The following MYT1 variants were observed in gnomAD, a reference collection of about 807,000 sequenced individuals.
MYT1 encodes myelin transcription factor 1.
A neutral mutation model predicts 123.0 loss-of-function variants in MYT1; 23 were observed. The observed-to-expected ratio is 0.19, with a 90% CI of 0.13 to 0.26. The LOEUF (loss-of-function observed/expected upper bound fraction) is 0.26. Among genes scored for constraint, MYT1 ranks in the 10% least tolerant of loss-of-function variants. The pLI, the probability that MYT1 is intolerant of heterozygous loss-of-function variation, is 1.00. For synonymous variants in MYT1, 518 were observed against 575.3 expected, an observed-to-expected ratio of 0.90 and a Z score of 1.43; for missense variants, 1,125 against 1,472.5, an observed-to-expected ratio of 0.76 and a Z score of 3.86.
intron 19 of MYT1, among the ~76,000 whole-genome samples, chr20:64,234,590 C>T (rs1001960131): frequency 6.7e-5 from 10 of 150,372 alleles, no homozygotes; most frequent in African/African-American, 2.5e-4. Flanking sequence ...ATGTGTGACC[C>T]TGGGCTGGCC....
intron 4 of MYT1, among the ~76,000 whole-genome samples, chr20:64,204,341 G>A (rs1249433540): frequency 6.6e-6 from 1 of 152,218 alleles, no homozygotes; most frequent in African/African-American, 2.4e-5. Flanking sequence ...AGAGATGCAG[G>A]AGGGTCAGTG....
chr20:64,225,338 T>C (rs2009308), intron 16 of MYT1, among the ~76,000 whole-genome samples: 20,795 of 152,260 alleles, frequency 0.14, 2,101 homozygotes, highest in East Asian at 0.5. Flanking sequence ...CTTTCATGAC[T>C]TCCCTGTCCG....
At chr20:64,178,059 C>T (rs953679287) in intron 1 of MYT1, among the ~76,000 whole-genome samples, 1 of 152,176 alleles carries the variant, frequency 6.6e-6, no homozygotes, top group East Asian at 1.9e-4. Context: ...GCGTCCTGCC[C>T]GGAGGAGGCA....
At chr20:64,188,370 A>G (rs982815981) in intron 1 of MYT1, among the ~76,000 whole-genome samples, 1 of 152,056 alleles carries the variant, frequency 6.6e-6, no homozygotes, top group Non-Finnish European at 1.5e-5. Flanking sequence ...GCATATATAC[A>G]TATGTAATGG....
At position 64,202,179 on chromosome 20, in the gene MYT1, C is replaced by G. The variant is rs1983342879; in HGVS notation, c.86+2257C>G. On this transcript the variant is annotated intron_variant, in intron 4 of 22. Coordinates refer to ENST00000328439, the MANE Select transcript of MYT1 (RefSeq NM_004535.3). This position sits in a 1 kb window ranked among gnomAD's most constrained non-coding sequence, Gnocchi z 5.0. ...CTCCCCACCAGCTCAGGCAGAGCTCCCAGGAAGACAGTCCATTGGTTGTTT... is the reference window on the plus strand; with the variant it reads ...CTCCCCACCAGCTCAGGCAGAGCTCGCAGGAAGACAGTCCATTGGTTGTTT... Among the ~76,000 whole-genome samples, 1 of 152,230 alleles carries G rather than the reference C, an allele frequency of 6.6e-6. No homozygotes were observed. Among genetic ancestry groups the G allele is most frequent in the African/African-American group, 2.4e-5 (1 of 41,468 alleles).
At chr20:64,180,069 G>T (rs111360063) in intron 1 of MYT1, among the ~76,000 whole-genome samples, 1 of 144,724 alleles carries the variant, frequency 6.9e-6, no homozygotes, top group South Asian at 2.2e-4. Context: ...CACACCACAC[G>T]CAGTTACACA....
chr20:64,201,156 G>A (rs1380801928), intron 4 of MYT1, among the ~76,000 whole-genome samples: 5 of 152,240 alleles, frequency 3.3e-5, no homozygotes, highest in Non-Finnish European at 7.3e-5. Context: ...TTTGGTAACA[G>A]ATGGAGTGTG....
chr20:64,177,803 C>G (rs1356139922), intron 1 of MYT1, among the ~76,000 whole-genome samples: 1 of 152,212 alleles, frequency 6.6e-6, no homozygotes, highest in Non-Finnish European at 1.5e-5. Flanking sequence ...CCCATGGGAC[C>G]CGCAGTTTCT....
rs1982808809 is a variant in MYT1 at position 64,186,600 on chromosome 20, C to CAG, written c.-98-3458_-98-3457dup. Among the ~76,000 whole-genome samples the CAG allele has an allele frequency of 6.6e-6, 1 of 152,370 alleles. No individual in the cohort carries two copies. The highest frequency in any genetic ancestry group is 1.5e-5 in the Non-Finnish European group (1 of 68,036). On this transcript the variant is annotated intron_variant, in intron 1 of 22. Coordinates refer to ENST00000328439, the MANE Select transcript of MYT1 (RefSeq NM_004535.3). The surrounding 1 kb of genome is among the most constrained non-coding windows in gnomAD (Gnocchi z 4.3). ...CTTTGTGGGTGAAGGACTTAAGTCT[C>CAG]AGAGAGGGTAGTGACCTGCTGCTCA... is the stretch of plus-strand genomic sequence containing the variant.
intron 10 of MYT1, among the ~76,000 whole-genome samples, chr20:64,214,330 T>G (rs1211480650): frequency 6.6e-6 from 1 of 152,208 alleles, no homozygotes; most frequent in Non-Finnish European, 1.5e-5. Flanking sequence ...TGTGTGCATG[T>G]TCACACGCCT....
In MYT1 at chr20:64,223,378, A is replaced by T; in HGVS notation, c.2528+19A>T. On this transcript the variant is annotated intron_variant, in intron 16 of 22. Transcript: ENST00000328439. ...ACCTCAAGTATGTTTGCGCTCCCTGACCTCCTGTCTCTTGGGCGGCACCCT... is the reference window on the plus strand; with the variant it reads ...ACCTCAAGTATGTTTGCGCTCCCTGTCCTCCTGTCTCTTGGGCGGCACCCT... 2 of 1,613,102 alleles carry T rather than the reference A, an allele frequency of 1.2e-6. No individual in the cohort carries two copies. The highest frequency in any genetic ancestry group is 4.5e-5 in the East Asian group (2 of 44,806).
chr20:64,211,026 T>C (rs760340852), intron 7 of MYT1, among the ~76,000 whole-genome samples, 180 bp from the exon 8 acceptor site: 11 of 152,230 alleles, frequency 7.2e-5, no homozygotes, highest in Non-Finnish European at 1.5e-4. Context: ...AGGCAGCCAG[T>C]GTGGGCTGGT....
chr20:64,183,515 C>G (rs1439980679), intron 1 of MYT1, among the ~76,000 whole-genome samples: 1 of 152,206 alleles, frequency 6.6e-6, no homozygotes, highest in African/African-American at 2.4e-5. Context: ...CTTGCCAACA[C>G]TTGTTACTAT....
In MYT1 at chr20:64,190,798, G is replaced by A. The variant is rs905883023; in HGVS notation, c.-1+638G>A. ...AGCCTGGCCAACATGGTGAAACCCC[G>A]TCTTTACTAAAAACACAAAAATTAG... On this transcript the variant is annotated intron_variant, in intron 2 of 22. Transcript: ENST00000328439. The surrounding 1 kb of genome is among the most constrained non-coding windows in gnomAD (Gnocchi z 4.1). 6.6e-6 allele frequency among the ~76,000 whole-genome samples: 1 copy of A among 150,898 alleles called. No homozygotes were observed. The highest frequency in any genetic ancestry group is 1.5e-5 in the Non-Finnish European group (1 of 67,774).
chr20:64,201,951 C>CATGTCGGGAACCCCCGT (rs1983323614), intron 4 of MYT1, among the ~76,000 whole-genome samples: 1 of 114,026 alleles, frequency 8.8e-6, no homozygotes, highest in Non-Finnish European at 1.9e-5. Context: ...GGAACCTCTG[C>CATGTCGGGAACCCCCGT]GTGTCGGGAA....
rs1044333650 is a variant in MYT1 at position 64,190,797 on chromosome 20, C to T, written c.-1+637C>T. Among the ~76,000 whole-genome samples, 3 of 151,230 alleles carry T rather than the reference C, an allele frequency of 2.0e-5. No homozygotes were observed. Among genetic ancestry groups the T allele is most frequent in the African/African-American group, 4.9e-5 (2 of 41,044 alleles). ...CAGCCTGGCCAACATGGTGAAACCCCGTCTTTACTAAAAACACAAAAATTA... is the reference window on the plus strand; with the variant it reads ...CAGCCTGGCCAACATGGTGAAACCCTGTCTTTACTAAAAACACAAAAATTA... On this transcript the variant is annotated intron_variant, in intron 2 of 22. Coordinates refer to ENST00000328439, the MANE Select transcript of MYT1 (RefSeq NM_004535.3). This position sits in a 1 kb window ranked among gnomAD's most constrained non-coding sequence, Gnocchi z 4.1.
chr20:64,236,148 G>A (rs1478104785), intron 19 of MYT1, among the ~76,000 whole-genome samples: 3 of 137,278 alleles, frequency 2.2e-5, no homozygotes, highest in Admixed American at 7.1e-5. Flanking sequence ...GGATGGTCGC[G>A]GTGGGTGACC....
At chr20:64,184,869 A>C (rs550751331) in intron 1 of MYT1, among the ~76,000 whole-genome samples, 8 of 152,198 alleles carry the variant, frequency 5.3e-5, no homozygotes, top group Non-Finnish European at 1.0e-4. Context: ...GCCATCTGAC[A>C]TGGGGTGGCC....
rs192247290 is a variant in MYT1 at position 64,221,473 on chromosome 20, G to A, written c.2242-420G>A. 1.1e-4 allele frequency among the ~76,000 whole-genome samples: 16 copies of A among 152,342 alleles called. 1 individual carries two copies. Among genetic ancestry groups the A allele is most frequent in the East Asian group, 7.7e-4 (4 of 5,190 alleles). On this transcript the variant is annotated intron_variant, in intron 13 of 22. Transcript: ENST00000328439. Reference sequence around the variant, plus strand: ...TTGTAATTTGTATGTTATTACCCTCGTTGTGCCATCTCATCTTCATGGCAT... The same window carrying A: ...TTGTAATTTGTATGTTATTACCCTCATTGTGCCATCTCATCTTCATGGCAT...
Sources: gnomAD v4.1 joint callset for allele counts (sites outside exome capture counted in the v4.1 genomes callset) on GRCh38, gnomAD v4.1.1 for gene constraint, Gnocchi (gnomAD v3.1) non-coding constraint, MANE v1.5 for transcripts, NCBI Gene and HGNC (gene_info 2026-07-23, HGNC 2026-07-21) for gene names.